The following TMEM63C variants were observed in gnomAD, a reference collection of about 807,000 sequenced individuals.
TMEM63C encodes osmosensitive cation channel TMEM63C.
A neutral mutation model predicts 99.2 loss-of-function variants in TMEM63C; 32 were observed. The observed-to-expected ratio is 0.32, with a 90% CI of 0.24 to 0.43. The LOEUF is 0.43. TMEM63C is among the 20% of genes least tolerant of loss of function. The pLI is 1.00. For synonymous variants in TMEM63C, 376 were observed against 397.9 expected (o/e 0.94, Z 0.66); for missense variants, 826 against 1,053.0 (o/e 0.78, Z 2.98).
chr14:77,252,591 A>G (rs1032880224), intron 22 of TMEM63C, among the ~76,000 whole-genome samples: 2 of 152,210 alleles, frequency 1.3e-5, no homozygotes, highest in Non-Finnish European at 2.9e-5. Context: ...CTTTCTGCCT[A>G]TGGCAACTGA....
At chr14:77,182,260 C>T (rs768363517) in intron 1 of TMEM63C, among the ~76,000 whole-genome samples, 22 of 152,090 alleles carry the variant, frequency 1.4e-4, no homozygotes, top group Admixed American at 1.4e-3. Flanking sequence ...CCCTCTCCCC[C>T]ACCCAGGGAT....
At chr14:77,184,270 C>T (rs1487383773) in intron 1 of TMEM63C, among the ~76,000 whole-genome samples, 3 of 152,050 alleles carry the variant, frequency 2.0e-5, no homozygotes, top group Non-Finnish European at 2.9e-5. Context: ...CTCCCCAGCC[C>T]GCTTCAAGTT....
chr14:77,241,538 G>A (rs761219671), intron 13 of TMEM63C, among the ~76,000 whole-genome samples: 2 of 152,144 alleles, frequency 1.3e-5, no homozygotes, highest in African/African-American at 4.8e-5. Flanking sequence ...GGCTGATCCT[G>A]TACAGCACAT....
At chr14:77,219,032 C>T (rs1888643113) in intron 3 of TMEM63C, 69 bp downstream of exon 3, 3 of 1,413,772 alleles carry the variant, frequency 2.1e-6, no homozygotes, top group Non-Finnish European at 2.8e-6. Context: ...ACAGGTGATG[C>T]AGTGGGGGAC....
intron 1 of TMEM63C, among the ~76,000 whole-genome samples, chr14:77,182,754 G>C (rs1046056823): frequency 2.0e-5 from 3 of 152,316 alleles, no homozygotes; most frequent in East Asian, 1.9e-4. Context: ...CTGGGGACAG[G>C]AGAAAATTGC....
chr14:77,248,390 G>A lies in TMEM63C; in HGVS notation c.1645G>A (p.Val549Met). The change falls in exon 19 of 24, where the codon GTG becomes ATG. Residue 549 changes from valine to methionine, a missense_variant. Physicochemically the swap from Val to Met is conservative, Grantham distance 21. Transcript: ENST00000298351. The stretch of plus-strand genomic sequence containing the variant: ...CAACGGCGCCTTCTTTGTCAACTAC[G>A]TGATCACGGCAGCTTTACTTGGCAC... ...PDNGAFFVNY[V>M]ITAALLGTGM... is the part of the protein sequence containing the mutation. The A allele has an allele frequency of 3.1e-6, 5 of 1,610,692 alleles. No homozygotes were observed. The highest frequency in any genetic ancestry group is 3.4e-6 in the Non-Finnish European group (4 of 1,178,454).
rs768540036 is a variant in TMEM63C, at chr14:77,233,472, C to T, written c.514C>T (p.Arg172Trp). 4 of 1,613,526 alleles carry T rather than the reference C, an allele frequency of 2.5e-6. No homozygotes were observed. The South Asian group carries it at 4.4e-5, about 18-fold the overall frequency. Residue 172 changes from arginine (R) to tryptophan (W), a missense_variant, in exon 8 of 24, where the codon CGG becomes TGG. Transcript: ENST00000298351. ...SVLDWSSHFA[R>W]TTIVNVSTES... Reference sequence around the variant, plus strand: ...TTCAGACTGGAGCAGTCACTTTGCTCGGACCACCATTGTCAATGTCTCCAC... The same window carrying T: ...TTCAGACTGGAGCAGTCACTTTGCTTGGACCACCATTGTCAATGTCTCCAC...
intron 2 of TMEM63C, among the ~76,000 whole-genome samples, chr14:77,217,541 C>T (rs965147378): frequency 2.0e-5 from 3 of 152,326 alleles, no homozygotes; most frequent in African/African-American, 4.8e-5. Flanking sequence ...CTACTTTTCT[C>T]GAATGGAAGT....
At chr14:77,244,584 TG>T in intron 16 of TMEM63C, 129 bp downstream of exon 16, 1 of 721,062 alleles carries the variant, frequency 1.4e-6, no homozygotes, top group Non-Finnish European at 2.4e-6. Context: ...GGGATGGTTT[TG>T]ATACCTGAAA....
intron 5 of TMEM63C, among the ~76,000 whole-genome samples, chr14:77,223,668 T>TGA (rs1024609822): frequency 2.6e-5 from 4 of 151,874 alleles, no homozygotes; most frequent in Admixed American, 6.6e-5. Flanking sequence ...CACACACACA[T>TGA]GAGAGAGACA....
intron 1 of TMEM63C, among the ~76,000 whole-genome samples, chr14:77,190,672 A>G (rs1183466459): frequency 6.6e-6 from 1 of 152,224 alleles, no homozygotes. Context: ...AAATCATACA[A>G]GGAACTTCAT....
intron 1 of TMEM63C, among the ~76,000 whole-genome samples, chr14:77,199,577 C>T (rs765513427): frequency 2.8e-4 from 42 of 152,298 alleles, no homozygotes; most frequent in African/African-American, 8.4e-4. Flanking sequence ...ATGGAAATCT[C>T]GCCCAGTCTC....
chr14:77,216,340 C>T (rs1566621714), intron 2 of TMEM63C, among the ~76,000 whole-genome samples: 1 of 152,184 alleles, frequency 6.6e-6, no homozygotes, highest in African/African-American at 2.4e-5. Context: ...TGGCGCACCC[C>T]GAGGCTCCCA....
chr14:77,252,691 C>T (rs991366597), intron 22 of TMEM63C, among the ~76,000 whole-genome samples: 1 of 152,250 alleles, frequency 6.6e-6, no homozygotes, highest in African/African-American at 2.4e-5. Flanking sequence ...GACTGACACA[C>T]TACTGAGCCT....
intron 9 of TMEM63C, 123 bp from the exon 10 acceptor site, chr14:77,238,571 A>G (rs2140123950): frequency 1.4e-6 from 1 of 737,442 alleles, no homozygotes; most frequent in Middle Eastern, 2.4e-4. Context: ...CTCAGCAAGG[A>G]GGCACTGGCA....
At position 77,257,564 on chromosome 14, in the gene TMEM63C, A is replaced by G. The variant is rs997790779; in HGVS notation, c.*838A>G. 2 of 152,230 alleles carry G rather than the reference A, an allele frequency of 1.3e-5. No homozygotes were observed. The highest frequency in any genetic ancestry group is 4.8e-5 in the African/African-American group (2 of 41,440). 9.4% of individuals were successfully genotyped at this position (152,230 alleles called of 1,614,324 possible). ...TCATGGAAGGGGGGTCTTCTCCCCAAAACTCTGTGTGGTGGGAAACCAGCT... is the reference window on the plus strand; with the variant it reads ...TCATGGAAGGGGGGTCTTCTCCCCAGAACTCTGTGTGGTGGGAAACCAGCT... On this transcript the variant is annotated 3_prime_UTR_variant, in exon 24 of 24. Transcript: ENST00000298351.
intron 1 of TMEM63C, among the ~76,000 whole-genome samples, chr14:77,182,795 G>A (rs1283451003): frequency 1.3e-5 from 2 of 152,200 alleles, no homozygotes; most frequent in South Asian, 2.1e-4. Flanking sequence ...AGCAGAGGGG[G>A]TGTGAGCGTG....
chr14:77,246,128 C>T (rs1889265186), intron 17 of TMEM63C, 102 bp downstream of exon 17: 3 of 946,232 alleles, frequency 3.2e-6, no homozygotes, highest in Non-Finnish European at 5.2e-6. Flanking sequence ...GCTGCAAACC[C>T]ACTCCTCAAA....
intron 21 of TMEM63C, among the ~76,000 whole-genome samples, chr14:77,251,533 G>A (rs147951156): frequency 9.8e-5 from 15 of 152,290 alleles, no homozygotes; most frequent in Non-Finnish European, 1.5e-4. Flanking sequence ...GGTCAGGAAG[G>A]ACACATTTAA....
Sources: gnomAD v4.1 joint callset for allele counts (sites outside exome capture counted in the v4.1 genomes callset) on GRCh38, gnomAD v4.1.1 for gene constraint, MANE v1.5 for transcripts, NCBI Gene and HGNC (gene_info 2026-07-23, HGNC 2026-07-21) for gene names.